MCF2: variants seen among roughly 807,000 people sequenced by gnomAD.
The protein encoded by MCF2 is proto-oncogene DBL.
In MCF2, 44 loss-of-function variants were observed where a neutral mutation model predicts 82.5. That is an observed-to-expected ratio of 0.53 (90% CI 0.42 to 0.69). MCF2 has a LOEUF of 0.69. Ranked by LOEUF, MCF2 falls within the 30% of genes least tolerant of loss-of-function variation. The pLI, the probability that MCF2 is intolerant of heterozygous loss-of-function variation, is 0.00. For missense variants in MCF2, 623 were observed against 663.1 expected (o/e 0.94, Z 0.66); for synonymous variants, 217 against 224.9 (o/e 0.96, Z 0.32).
upstream of MCF2, among the ~76,000 whole-genome samples, chrX:139,646,155 T>C (rs1400596956): frequency 8.9e-6 from 1 of 111,816 alleles, no homozygotes; most frequent in Non-Finnish European, 1.9e-5. Flanking sequence ...CAAGCTTCAA[T>C]AGGTACATTG....
At chrX:139,665,820 T>C (rs1329643869) in intron 1 of MCF2, among the ~76,000 whole-genome samples, 7 of 105,271 alleles carry the variant, frequency 6.6e-5, no homozygotes, top group African/African-American at 1.0e-4. Flanking sequence ...CAGTGAGTTA[T>C]GTGTTTTCAT....
intron 10 of MCF2, among the ~76,000 whole-genome samples, chrX:139,612,695 C>A (rs1931590173): frequency 9.0e-6 from 1 of 111,724 alleles, no homozygotes. Context: ...TTGTTATAAT[C>A]CCTATTACTA....
At chrX:139,669,668 G>C (rs1382556788) in intron 1 of MCF2, among the ~76,000 whole-genome samples, 3 of 111,823 alleles carry the variant, frequency 2.7e-5, no homozygotes, top group African/African-American at 9.8e-5. Flanking sequence ...CTGTAGAATG[G>C]GTAAACAAAA....
chrX:139,627,002 C>G (rs1272503126), intron 4 of MCF2, among the ~76,000 whole-genome samples: 1 of 112,171 alleles, frequency 8.9e-6, no homozygotes, highest in Non-Finnish European at 1.9e-5. Context: ...TTTATAAGAT[C>G]ATCATGGGCA....
chrX:139,598,351 T>C lies in MCF2; in HGVS notation c.1929+55A>G, dbSNP rs1930271768. ...AGTAAACTATTTCCTTTTTAATGGC[T>C]CTGTCATATCTGACTCAAAAAGTAA... On this transcript the variant is annotated intron_variant, in intron 17 of 24. Coordinates refer to ENST00000370576, the Ensembl canonical transcript of MCF2. 6.5e-6 allele frequency: 5 copies of C among 771,647 alleles called. No individual in the cohort carries two copies. The East Asian group carries it at 1.3e-4, about 20-fold the overall frequency. The allele number at this position is 771,647 out of a possible 1,213,427, so 63.6% of individuals were successfully genotyped here. A position where few individuals can be genotyped will look rare whatever the true frequency, so the allele number is the denominator to read the frequency against.
rs1026029274 is a variant in MCF2, at chrX:139,686,058, A to G, written c.-45+22048T>C. Among the ~76,000 whole-genome samples the G allele has an allele frequency of 5.6e-4, 32 of 56,931 alleles. No homozygotes were observed. In the Admixed American group the frequency reaches 7.4e-3, roughly 13 times the overall value. The allele number at this position is 56,931 out of a possible 115,157, so 49.4% of individuals were successfully genotyped here. A position where few individuals can be genotyped will look rare whatever the true frequency, so the allele number is the denominator to read the frequency against. On this transcript the variant is annotated intron_variant, in intron 1 of 27. Coordinates refer to the MCF2 transcript ENST00000414978. ...GAAAAGGCTTTTGACAAAATTCAAC[A>G]CCCCTTCACGTTAAAAAAAAAAAAA...
intron 1 of MCF2, among the ~76,000 whole-genome samples, chrX:139,667,196 CTTT>C (rs77565644): frequency 8.3e-4 from 75 of 90,086 alleles, no homozygotes; most frequent in African/African-American, 2.7e-3. Flanking sequence ...ATTTTGAATT[CTTT>C]TTTTTTTTTT....
intron 1 of MCF2, among the ~76,000 whole-genome samples, chrX:139,701,191 C>T (rs1417899374): frequency 8.9e-6 from 1 of 111,748 alleles, no homozygotes; most frequent in African/African-American, 3.3e-5. Flanking sequence ...GCAATGATTT[C>T]CAGTTGGCAA....
At chrX:139,591,228 T>C (rs1428390933) in intron 19 of MCF2, among the ~76,000 whole-genome samples, 1 of 111,055 alleles carries the variant, frequency 9.0e-6, no homozygotes, top group Non-Finnish European at 1.9e-5. Context: ...AACTATAAAA[T>C]AGAAAGAACA....
intron 1 of MCF2, among the ~76,000 whole-genome samples, chrX:139,684,097 T>C (rs912872900): frequency 1.8e-5 from 2 of 112,346 alleles, no homozygotes; most frequent in Non-Finnish European, 3.8e-5. Flanking sequence ...AAGATCTCCA[T>C]TCCAGAGTAT....
intron 1 of MCF2, among the ~76,000 whole-genome samples, chrX:139,660,780 C>A (rs764606040): frequency 8.9e-6 from 1 of 111,984 alleles, no homozygotes; most frequent in Admixed American, 9.5e-5. Context: ...ATATTAAATC[C>A]TTTTCCTGCT....
At chrX:139,595,625 C>T (rs1930006646) in intron 19 of MCF2, among the ~76,000 whole-genome samples, 2 of 104,446 alleles carry the variant, frequency 1.9e-5, no homozygotes, top group Non-Finnish European at 3.9e-5. Flanking sequence ...ATACCTAATG[C>T]TAAATGATGA....
At chrX:139,655,754 G>A (rs1934175455) in intron 1 of MCF2, among the ~76,000 whole-genome samples, 1 of 111,272 alleles carries the variant, frequency 9.0e-6, no homozygotes, top group African/African-American at 3.3e-5. Flanking sequence ...AGTTCTAACA[G>A]TTTTTTGATG....
At chrX:139,613,758 T>A (rs1299688712) in intron 10 of MCF2, among the ~76,000 whole-genome samples, 2 of 111,458 alleles carry the variant, frequency 1.8e-5, no homozygotes, top group Non-Finnish European at 3.8e-5. Context: ...TATTTTGTTA[T>A]CTTTACTCTT....
intron 1 of MCF2, among the ~76,000 whole-genome samples, chrX:139,693,082 C>T (rs772062405): frequency 1.8e-5 from 2 of 111,396 alleles, no homozygotes; most frequent in South Asian, 7.8e-4. Flanking sequence ...TGCCCTGAAC[C>T]CAAAGCACTC....
In MCF2 at chrX:139,671,539, T is replaced by C. The variant is rs759783481; in HGVS notation, c.-44-19751A>G. On this transcript the variant is annotated intron_variant, in intron 1 of 27. Coordinates refer to the MCF2 transcript ENST00000414978. ...TTTCAGCTTTCTACATATGGCTAGC[T>C]AGTTTTCCCAGCACCATTTATTAAA... 9.6e-3 allele frequency among the ~76,000 whole-genome samples: 1,068 copies of C among 111,397 alleles called. 12 individuals carry two copies. The highest frequency in any genetic ancestry group is 0.033 in the African/African-American group (999 of 30,626).
chrX:139,635,790 T>C (rs927055818), intron 1 of MCF2, among the ~76,000 whole-genome samples: 6 of 111,402 alleles, frequency 5.4e-5, no homozygotes, highest in East Asian at 2.8e-4. Context: ...CGTGTCACAG[T>C]GGGGGTTGTT....
upstream of MCF2, chrX:139,645,474 CT>C (rs1316985742): frequency 2.0e-5 from 9 of 458,927 alleles, no homozygotes; most frequent in East Asian, 3.6e-4. Flanking sequence ...TTTTTATTGT[CT>C]CCGTCAGTAC....
chrX:139,700,702 C>T (rs1366990755), intron 1 of MCF2, among the ~76,000 whole-genome samples: 1 of 112,273 alleles, frequency 8.9e-6, no homozygotes, highest in Non-Finnish European at 1.9e-5. Context: ...TCCTTCCTTC[C>T]CTTCCCTTCA....
Sources: allele counts gnomAD v4.1 joint callset (sites outside exome capture counted in the v4.1 genomes callset), GRCh38; gene constraint gnomAD v4.1.1; transcripts MANE v1.5; gene names NCBI Gene and HGNC (gene_info 2026-07-23, HGNC 2026-07-21).